LRP1B: variants seen among roughly 807,000 people sequenced by gnomAD.
LRP1B encodes low-density lipoprotein receptor-related protein 1B.
LRP1B carries 217 observed loss-of-function variants against 556.6 expected under a neutral mutation model. That is an observed-to-expected ratio of 0.39 (90% CI 0.35 to 0.44). The LOEUF (loss-of-function observed/expected upper bound fraction) is 0.44, where lower values mean the gene tolerates loss of function less well. Among genes scored for constraint, LRP1B ranks in the 20% least tolerant of loss-of-function variants. LRP1B has a pLI of 1.00. For missense variants in LRP1B, 5,053 were observed against 5,620.8 expected, an observed-to-expected ratio of 0.90 and a Z score of 3.23; for synonymous variants, 2,047 against 1,865.8, an observed-to-expected ratio of 1.10 and a Z score of -2.50.
At chr2:141,011,315 C>T (rs1157300244) in intron 14 of LRP1B, among the ~76,000 whole-genome samples, 1 of 151,552 alleles carries the variant, frequency 6.6e-6, no homozygotes, top group African/African-American at 2.4e-5. Flanking sequence ...AGAGTAACAC[C>T]ATTGAGAGAA....
intron 2 of LRP1B, among the ~76,000 whole-genome samples, chr2:141,762,262 A>G (rs1694583653): frequency 6.6e-6 from 1 of 151,992 alleles, no homozygotes; most frequent in African/African-American, 2.4e-5. Context: ...CAAAGACCAT[A>G]GGGAGCAGGG....
At chr2:140,716,233 T>A (rs972152601) in intron 36 of LRP1B, 131 bp from the exon 37 acceptor site, 1 of 635,972 alleles carries the variant, frequency 1.6e-6, no homozygotes, top group Non-Finnish European at 2.7e-6. Flanking sequence ...TCTTTTTAAA[T>A]GTGTTTCCTA....
intron 49 of LRP1B, among the ~76,000 whole-genome samples, chr2:140,524,889 C>A (rs532196218): frequency 3.0e-4 from 45 of 151,958 alleles, no homozygotes; most frequent in African/African-American, 1.0e-3. Context: ...CAAACCTCAG[C>A]ATCATGCAGT....
At chr2:140,624,570 C>T (rs978959466) in intron 41 of LRP1B, among the ~76,000 whole-genome samples, 2 of 152,056 alleles carry the variant, frequency 1.3e-5, no homozygotes, top group African/African-American at 4.8e-5. Flanking sequence ...GCTAGATATT[C>T]CCTAAGTCAT....
At chr2:141,912,986 T>G (rs1330976962) in intron 1 of LRP1B, among the ~76,000 whole-genome samples, 1 of 152,128 alleles carries the variant, frequency 6.6e-6, no homozygotes, top group Non-Finnish European at 1.5e-5. Flanking sequence ...TTAAATAAAT[T>G]TGTATGTTTT....
At chr2:141,390,489 C>T (rs1690010034) in intron 3 of LRP1B, among the ~76,000 whole-genome samples, 2 of 152,168 alleles carry the variant, frequency 1.3e-5, no homozygotes, top group Admixed American at 6.6e-5. Flanking sequence ...AATACAATTA[C>T]AGTATCAGCA....
At chr2:141,039,492 G>A (rs2105429129) in intron 11 of LRP1B, among the ~76,000 whole-genome samples, 1 of 152,038 alleles carries the variant, frequency 6.6e-6, no homozygotes, top group South Asian at 2.1e-4. Flanking sequence ...TCCGATAAAG[G>A]GGGCTACTGT....
intron 2 of LRP1B, among the ~76,000 whole-genome samples, chr2:141,573,429 G>A (rs182102296): frequency 1.3e-5 from 2 of 152,044 alleles, no homozygotes; most frequent in East Asian, 3.9e-4. Flanking sequence ...AGAATTTCTG[G>A]TACACAGCTA....
Position 141,229,171 on chromosome 2 carries a change from T to G in LRP1B, c.850+12A>C. ...TAAAGGGTGGCATATAATATTTAAT[T>G]GAAACACTTACTGTGGAAGGATTGA... On this transcript the variant is annotated intron_variant, in intron 6 of 90. Transcript: ENST00000389484. 1 of 1,611,950 alleles carries G rather than the reference T, an allele frequency of 6.2e-7. No homozygotes were observed. Among genetic ancestry groups the G allele is most frequent in the Non-Finnish European group, 8.5e-7 (1 of 1,178,930 alleles).
At chr2:141,218,760 C>T (rs74268861) in intron 6 of LRP1B, among the ~76,000 whole-genome samples, 10,172 of 152,192 alleles carry the variant, frequency 0.067, 433 homozygotes, top group East Asian at 0.15. Flanking sequence ...TGTACATGTA[C>T]CCCTGAATCT....
chr2:141,925,548 A>C (rs1427446583), intron 1 of LRP1B, among the ~76,000 whole-genome samples: 5 of 152,264 alleles, frequency 3.3e-5, no homozygotes, highest in South Asian at 4.1e-4. Context: ...TACAATTTGC[A>C]TCTGATTCTT....
intron 66 of LRP1B, among the ~76,000 whole-genome samples, chr2:140,432,197 T>G (rs1162677489): frequency 6.6e-6 from 1 of 152,190 alleles, no homozygotes; most frequent in Admixed American, 6.5e-5. Context: ...CTGAGCACCT[T>G]GTGACCCCCA....
At chr2:141,592,102 A>T (rs555715030) in intron 2 of LRP1B, among the ~76,000 whole-genome samples, 1 of 151,986 alleles carries the variant, frequency 6.6e-6, no homozygotes, top group East Asian at 1.9e-4. Context: ...CTCTGCACCA[A>T]CATTGACTGT....
chr2:141,338,004 T>C lies in LRP1B; in HGVS notation c.344-83363A>G, dbSNP rs150836106. On this transcript the variant is annotated intron_variant, in intron 3 of 90. Transcript: ENST00000389484. ...TTTTAAGTTCTATGGAGGATGCTGA[T>C]ATTTTAATGCTAGCAGGCAATCAAC... Among the ~76,000 whole-genome samples the C allele has an allele frequency of 7.4e-3, 1,120 of 152,304 alleles. 10 individuals carry two copies. Among genetic ancestry groups the C allele is most frequent in the Non-Finnish European group, 0.011 (770 of 68,010 alleles).
At chr2:141,625,783 A>G (rs1312168000) in intron 2 of LRP1B, among the ~76,000 whole-genome samples, 4 of 152,140 alleles carry the variant, frequency 2.6e-5, no homozygotes, top group Non-Finnish European at 5.9e-5. Flanking sequence ...TATTAAGAAC[A>G]CAGTTTCCCA....
At chr2:142,039,035 T>C (rs1050336232) in intron 1 of LRP1B, among the ~76,000 whole-genome samples, 1 of 151,482 alleles carries the variant, frequency 6.6e-6, no homozygotes, top group Non-Finnish European at 1.5e-5. Flanking sequence ...CAAGAGCCCA[T>C]GAAAAGAAAT....
At chr2:141,433,021 A>G (rs1680622083) in intron 3 of LRP1B, among the ~76,000 whole-genome samples, 1 of 151,940 alleles carries the variant, frequency 6.6e-6, no homozygotes, top group Admixed American at 6.6e-5. Flanking sequence ...TTAATATTGT[A>G]TAGGTATATA....
chr2:140,304,796 G>A lies in LRP1B; in HGVS notation c.12806-6827C>T, dbSNP rs77085362. 3.0e-4 allele frequency among the ~76,000 whole-genome samples: 45 copies of A among 152,002 alleles called. 1 individual carries two copies. The highest frequency in any genetic ancestry group is 3.6e-4 in the African/African-American group (15 of 41,406). ...GGGTTTTTATGGTTTTAGGTCTAACGTTTAAGTCTTTAATCCATCTTGAAT... is the reference window on the plus strand; with the variant it reads ...GGGTTTTTATGGTTTTAGGTCTAACATTTAAGTCTTTAATCCATCTTGAAT... On this transcript the variant is annotated intron_variant, in intron 83 of 90. Coordinates refer to ENST00000389484, the MANE Select transcript of LRP1B (RefSeq NM_018557.3).
Position 140,525,922 on chromosome 2 carries a change from A to C in LRP1B, c.7948T>G (p.Ser2650Ala). The change falls in exon 49 of 91, where the codon TCA becomes GCA. Residue 2650 changes from serine (S) to alanine (A), a missense_variant. By Grantham distance (99) the Ser-to-Ala change is moderately conservative. This residue lies in a region of LRP1B where 3,619 missense variants were observed against 3,931.9 expected (regional missense o/e 0.92). Coordinates refer to ENST00000389484, the MANE Select transcript of LRP1B (RefSeq NM_018557.3). ...TTGFIRCNSTSLCVLPTWICD... is the reference protein window; with the variant it reads ...TTGFIRCNSTALCVLPTWICD... ...ATCCAGGTTGGCAGAACACACAGTG[A>C]GGTAGAATTACATCTTATGAACCCT... 6.2e-7 allele frequency: 1 copy of C among 1,612,460 alleles called. No individual in the cohort carries two copies. Among genetic ancestry groups the C allele is most frequent in the Non-Finnish European group, 8.5e-7 (1 of 1,178,928 alleles).
Sources: allele counts gnomAD v4.1 joint callset (sites outside exome capture counted in the v4.1 genomes callset), GRCh38; gene constraint gnomAD v4.1.1; regional missense constraint gnomAD v4.1.1; transcripts MANE v1.5; gene names NCBI Gene and HGNC (gene_info 2026-07-23, HGNC 2026-07-21).